CCDC141: variants seen among roughly 807,000 people sequenced by gnomAD.
The protein encoded by CCDC141 is coiled-coil domain-containing protein 141.
In CCDC141, 168 loss-of-function variants were observed where a neutral mutation model predicts 181.0. The ratio of observed to expected loss-of-function variants is 0.93; its 90% CI spans 0.82 to 1.05. The LOEUF is 1.05. Among genes scored for constraint, CCDC141 ranks in the 50% least tolerant of loss-of-function variants. CCDC141 has a pLI of 0.00. For synonymous variants in CCDC141, 666 were observed against 642.3 expected (o/e 1.04, Z -0.56); for missense variants, 1,902 against 1,788.5 (o/e 1.06, Z -1.14).
At chr2:178,951,438 G>C (rs17453452) in intron 5 of CCDC141, among the ~76,000 whole-genome samples, 16,881 of 152,132 alleles carry the variant, frequency 0.11, 1,281 homozygotes, top group Middle Eastern at 0.19. Flanking sequence ...TGGTTGTTGG[G>C]AAAAACAATG....
chr2:178,982,475 A>G (rs547343164), intron 2 of CCDC141, among the ~76,000 whole-genome samples: 1 of 152,344 alleles, frequency 6.6e-6, no homozygotes, highest in Admixed American at 6.5e-5. Context: ...AGATGGCCGA[A>G]CAGGAACAGC....
At chr2:178,959,296 T>TAAAAAAATAAAAATA (rs1690295113) in intron 5 of CCDC141, among the ~76,000 whole-genome samples, 1 of 145,780 alleles carries the variant, frequency 6.9e-6, no homozygotes, top group African/African-American at 2.5e-5. Context: ...GTATAATAAT[T>TAAAAAAATAAAAATA]AAAAAAATAA....
chr2:178,966,493 T>C (rs1485114277), intron 4 of CCDC141, among the ~76,000 whole-genome samples: 1 of 152,074 alleles, frequency 6.6e-6, no homozygotes, highest in African/African-American at 2.4e-5. Context: ...GGAGTGGACC[T>C]CCAGCAAACT....
chr2:179,037,972 G>T (rs1371496739), intron 2 of CCDC141, among the ~76,000 whole-genome samples: 1 of 152,102 alleles, frequency 6.6e-6, no homozygotes. Flanking sequence ...ACTAAAAACA[G>T]AAATACCCAG....
At chr2:178,871,993 C>G in intron 13 of CCDC141, 140 bp downstream of exon 13, 1 of 812,760 alleles carries the variant, frequency 1.2e-6, no homozygotes, top group Non-Finnish European at 1.9e-6. Context: ...ACTACAGGGA[C>G]CTCATTTATA....
At chr2:178,977,726 A>G (rs1413539678) in intron 3 of CCDC141, among the ~76,000 whole-genome samples, 7 of 152,232 alleles carry the variant, frequency 4.6e-5, no homozygotes, top group Admixed American at 4.6e-4. Context: ...ATGCTTTATC[A>G]TAATGAAGCA....
chr2:178,886,918 A>G (rs1446508920), intron 9 of CCDC141, 47 bp from the exon 10 acceptor site: 4 of 1,213,382 alleles, frequency 3.3e-6, no homozygotes, highest in Non-Finnish European at 4.3e-6. Context: ...ATATTTTTGC[A>G]TATATGTACG....
intron 11 of CCDC141, among the ~76,000 whole-genome samples, chr2:178,884,698 G>A (rs1167855405): frequency 6.6e-6 from 1 of 151,956 alleles, no homozygotes; most frequent in Non-Finnish European, 1.5e-5. Flanking sequence ...GGCATATCTC[G>A]ACCTTGGCTA....
chr2:178,850,310 T>C (rs1465764574), intron 20 of CCDC141, 149 bp from the exon 21 acceptor site: 1 of 581,042 alleles, frequency 1.7e-6, no homozygotes, highest in Non-Finnish European at 3.0e-6. Context: ...AATAAATGAA[T>C]AAAGACAAGT....
chr2:178,881,348 G>T (rs1686598032), intron 11 of CCDC141, among the ~76,000 whole-genome samples: 1 of 152,236 alleles, frequency 6.6e-6, no homozygotes, highest in Non-Finnish European at 1.5e-5. Flanking sequence ...GTGGTTGCAT[G>T]ATTCTATAAA....
chr2:178,998,311 T>A (rs1692380779), intron 2 of CCDC141, among the ~76,000 whole-genome samples: 1 of 152,162 alleles, frequency 6.6e-6, no homozygotes, highest in Non-Finnish European at 1.5e-5. Flanking sequence ...GGGAAGATAA[T>A]ACCAAATGGA....
intron 2 of CCDC141, among the ~76,000 whole-genome samples, chr2:178,992,366 C>A (rs1575318189): frequency 7.7e-6 from 1 of 129,744 alleles, no homozygotes; most frequent in African/African-American, 2.9e-5. Context: ...TTTAAATAGA[C>A]CTATTCTTAA....
At chr2:178,929,561 AT>A (rs892749899) in intron 6 of CCDC141, among the ~76,000 whole-genome samples, 1 of 139,104 alleles carries the variant, frequency 7.2e-6, no homozygotes, top group Non-Finnish European at 1.6e-5. Context: ...TAAACAGAAC[AT>A]TTAAATACTT....
chr2:179,010,462 C>A (rs903443795), intron 2 of CCDC141, among the ~76,000 whole-genome samples: 4 of 152,132 alleles, frequency 2.6e-5, no homozygotes, highest in African/African-American at 4.8e-5. Context: ...TCAGCAGAAA[C>A]CCTAAAAGCT....
chr2:178,964,267 C>T (rs1026173194), intron 4 of CCDC141, among the ~76,000 whole-genome samples: 2 of 152,144 alleles, frequency 1.3e-5, no homozygotes. Flanking sequence ...CACGCAAACA[C>T]ACACACACAC....
chr2:178,889,431 T>C (rs1305370783), intron 8 of CCDC141, among the ~76,000 whole-genome samples: 4 of 152,176 alleles, frequency 2.6e-5, no homozygotes, highest in Admixed American at 6.6e-5. Context: ...CTTAAGACTA[T>C]TTAAGAAGTT....
At chr2:179,048,434 TTTTCCAGTGTAA>T (rs1312755066) in intron 1 of CCDC141, among the ~76,000 whole-genome samples, 11 of 152,158 alleles carry the variant, frequency 7.2e-5, no homozygotes, top group Admixed American at 6.5e-4. Flanking sequence ...TCCAGTGTAA[TTTTCCAGTGTAA>T]TTTCCAGTGT....
At chr2:178,842,179 A>G (rs1458212049) in intron 22 of CCDC141, among the ~76,000 whole-genome samples, 1 of 152,216 alleles carries the variant, frequency 6.6e-6, no homozygotes, top group Non-Finnish European at 1.5e-5. Context: ...CTGGCAAAAT[A>G]GCTGGGAAAC....
At chr2:178,975,409 T>G (rs548567427) in intron 3 of CCDC141, among the ~76,000 whole-genome samples, 1 of 152,272 alleles carries the variant, frequency 6.6e-6, no homozygotes, top group Admixed American at 6.5e-5. Context: ...CTTTCATACC[T>G]AATTATATAG....
Sources: gnomAD v4.1 joint callset for allele counts (sites outside exome capture counted in the v4.1 genomes callset) on GRCh38, gnomAD v4.1.1 for gene constraint, MANE v1.5 for transcripts, NCBI Gene and HGNC (gene_info 2026-07-23, HGNC 2026-07-21) for gene names.